EIF3L: variants seen among roughly 807,000 people sequenced by gnomAD.
EIF3L encodes the protein eukaryotic translation initiation factor 3 subunit L, also known as eIEF associated protein HSPC021.
In EIF3L, 32 loss-of-function variants were observed where a neutral mutation model predicts 74.6. The ratio of observed to expected loss-of-function variants is 0.43; its 90% CI spans 0.32 to 0.58. The LOEUF is 0.58. Among genes scored for constraint, EIF3L ranks in the 20% least tolerant of loss-of-function variants. The pLI, the probability that EIF3L is intolerant of heterozygous loss-of-function variation, is 0.06. For missense variants in EIF3L, 474 were observed against 707.8 expected (o/e 0.67, Z 3.75); for synonymous variants, 256 against 254.4 (o/e 1.01, Z -0.06).
intron 12 of EIF3L, 59 bp from the exon 13 acceptor site, chr22:37,888,367 C>A: frequency 6.3e-7 from 1 of 1,581,114 alleles, no homozygotes; most frequent in Non-Finnish European, 8.7e-7. Flanking sequence ...ATCATACACA[C>A]TGTAGGAAAG....
At chr22:37,858,820 A>G (rs1569112807) in intron 5 of EIF3L, 80 bp downstream of exon 5, 8 of 1,226,510 alleles carry the variant, frequency 6.5e-6, no homozygotes, top group Non-Finnish European at 6.9e-6. Context: ...GAACACAGTC[A>G]TTTGTTTATA....
At chr22:37,862,930 T>G (rs367972190) in intron 5 of EIF3L, 39 bp from the exon 6 acceptor site, 85 of 1,499,368 alleles carry the variant, frequency 5.7e-5, no homozygotes, top group Non-Finnish European at 7.4e-5. Context: ...ACATTAAAAT[T>G]AAATATCTGT....
chr22:37,885,010 G>A (rs751125706), intron 11 of EIF3L: 2 of 149,104 alleles, frequency 1.3e-5, no homozygotes. Flanking sequence ...CTCAACTCCC[G>A]GGGGCTCAGG....
intron 11 of EIF3L, chr22:37,881,436 C>T (rs1480634191): frequency 6.6e-6 from 1 of 151,986 alleles, no homozygotes; most frequent in African/African-American, 2.4e-5. Context: ...TAGACTGAGT[C>T]TTGCTCTTGT....
chr22:37,885,772 T>A (rs944672894), intron 11 of EIF3L: 1 of 151,728 alleles, frequency 6.6e-6, no homozygotes, highest in Non-Finnish European at 1.5e-5. Context: ...CCCAGCTAAT[T>A]TTTAGTAGAG....
chr22:37,874,704 T>G (rs1253074017), intron 9 of EIF3L, among the ~76,000 whole-genome samples, 180 bp downstream of exon 9: 1 of 152,160 alleles, frequency 6.6e-6, no homozygotes, highest in Non-Finnish European at 1.5e-5. Flanking sequence ...TGGACGATTT[T>G]GGTAGTTAAC....
At chr22:37,884,733 A>T (rs1927229481) in intron 11 of EIF3L, 1 of 152,128 alleles carries the variant, frequency 6.6e-6, no homozygotes, top group Admixed American at 6.6e-5. Flanking sequence ...TAGGACGCTG[A>T]GGCAGGAGGA....
intron 3 of EIF3L, 72 bp downstream of exon 3, chr22:37,851,562 G>A (rs759703693): frequency 3.9e-5 from 33 of 842,678 alleles, no homozygotes; most frequent in Admixed American, 2.1e-4. Flanking sequence ...TACAAATGAG[G>A]TGAGCACTCT....
At chr22:37,885,766 G>A (rs1435612405) in intron 11 of EIF3L, 1 of 150,858 alleles carries the variant, frequency 6.6e-6, no homozygotes, top group Non-Finnish European at 1.5e-5. Flanking sequence ...ACTACGCCCA[G>A]CTAATTTTTA....
chr22:37,873,168 T>G (rs921820348), intron 8 of EIF3L, among the ~76,000 whole-genome samples: 5 of 151,998 alleles, frequency 3.3e-5, no homozygotes, highest in African/African-American at 1.2e-4. Context: ...TTTGTATTTT[T>G]AGTAGAGACG....
At position 37,888,710 on chromosome 22, in the gene EIF3L, G is replaced by C; in HGVS notation, c.*246G>C. On this transcript the variant is annotated 3_prime_UTR_variant, in exon 13 of 13. Transcript: ENST00000652021. ...TTCCCATGTGTCCTGATGCTTTCAG[G>C]ATACATCAGTTGTTAGTGTTTAAAT... is the stretch of plus-strand genomic sequence containing the variant. 1 of 522,792 alleles carries C rather than the reference G, an allele frequency of 1.9e-6. No homozygotes were observed. The highest frequency in any genetic ancestry group is 2.8e-5 in the South Asian group (1 of 35,700). 32.4% of individuals were successfully genotyped at this position (522,792 alleles called of 1,614,324 possible).
intron 4 of EIF3L, among the ~76,000 whole-genome samples, chr22:37,857,618 C>G (rs994694293): frequency 6.6e-6 from 1 of 151,450 alleles, no homozygotes; most frequent in African/African-American, 2.4e-5. Context: ...GATCTCTGCT[C>G]GCTGCAACCT....
At chr22:37,858,219 CTTTTTTTT>C (rs549425262) in intron 4 of EIF3L, among the ~76,000 whole-genome samples, 40 of 85,108 alleles carry the variant, frequency 4.7e-4, no homozygotes, top group Non-Finnish European at 5.5e-4. Flanking sequence ...TTCTTTCTTC[CTTTTTTTT>C]TTTTTTTTTT....
At position 37,878,082 on chromosome 22, in the gene EIF3L, A is replaced by G; in HGVS notation, c.1486A>G (p.Lys496Glu). 1.2e-6 allele frequency: 2 copies of G among 1,614,136 alleles called. No individual in the cohort carries two copies. The highest frequency in any genetic ancestry group is 1.1e-5 in the South Asian group (1 of 91,084). The change falls in exon 11 of 13, where the codon AAG (lysine) becomes GAG (glutamate). Residue 496 changes from lysine (K) to glutamate (E), a missense_variant. Lys to Glu is a moderately conservative substitution (Grantham distance 56). Transcript: ENST00000652021. ...GATCCAGCTTCTTGTCTTCAAACACAAGATGAAGAACCTCGTGTGGACCAG... is the reference window on the plus strand; with the variant it reads ...GATCCAGCTTCTTGTCTTCAAACACGAGATGAAGAACCTCGTGTGGACCAG... ...FRIQLLVFKH[K>E]MKNLVWTSGI...
At chr22:37,888,354 G>C in intron 12 of EIF3L, 72 bp from the exon 13 acceptor site, 1 of 1,527,786 alleles carries the variant, frequency 6.5e-7, no homozygotes, top group Admixed American at 1.7e-5. Context: ...ATCTGACCTA[G>C]TGATCATACA....
Position 37,886,790 on chromosome 22 carries a change from A to G in EIF3L, c.1601A>G (p.Lys534Arg). ...DKDMIHIADTKVARRYGDFFI... is the reference protein window; with the variant it reads ...DKDMIHIADTRVARRYGDFFI... ...GACATGATCCACATCGCGGACACCA[A>G]GGTCGCCAGGCGTTATGGGGATTTC... Residue 534 changes from lysine (K) to arginine (R), a missense_variant, in exon 12 of 13, where the codon AAG becomes AGG. Transcript: ENST00000652021. 6.2e-7 allele frequency: 1 copy of G among 1,611,024 alleles called. No individual in the cohort carries two copies. The highest frequency in any genetic ancestry group is 1.7e-4 in the Middle Eastern group (1 of 6,032).
chr22:37,863,081 G>T (rs1433640610), intron 6 of EIF3L, 43 bp downstream of exon 6: 3 of 1,480,378 alleles, frequency 2.0e-6, no homozygotes, highest in Admixed American at 3.9e-5. Flanking sequence ...TGGTTATGAT[G>T]AGGTTCAGCA....
intron 7 of EIF3L, among the ~76,000 whole-genome samples, chr22:37,866,472 C>G (rs568350781): frequency 1.2e-4 from 19 of 152,164 alleles, no homozygotes; most frequent in Non-Finnish European, 2.1e-4. Context: ...TTTAAATCAG[C>G]TTACTGAGGT....
chr22:37,852,961 G>A (rs922102965), intron 3 of EIF3L, among the ~76,000 whole-genome samples: 4 of 152,184 alleles, frequency 2.6e-5, no homozygotes, highest in Non-Finnish European at 5.9e-5. Context: ...AAGTCATGCG[G>A]CACCAAAAGA....
Sources: gnomAD v4.1 joint callset for allele counts (sites outside exome capture counted in the v4.1 genomes callset) on GRCh38, gnomAD v4.1.1 for gene constraint, MANE v1.5 for transcripts, NCBI Gene and HGNC (gene_info 2026-07-23, HGNC 2026-07-21) for gene names.